ENTREP3: variants seen among roughly 807,000 people sequenced by gnomAD.
ENTREP3 encodes endosomal transmembrane epsin interactor 3.
the ENTREP3 span, chr1:155,253,958 GCACA>G: frequency 6.2e-7 from 1 of 1,613,066 alleles, no homozygotes; most frequent in Non-Finnish European, 8.5e-7. Flanking sequence ...CAGAGGGACA[GCACA>G]CACAGACCTT....
the ENTREP3 span, chr1:155,254,284 G>T: frequency 6.7e-7 from 1 of 1,488,100 alleles, no homozygotes; most frequent in South Asian, 1.1e-5. The surrounding 1 kb of genome is among the most constrained non-coding windows in gnomAD (Gnocchi z 4.4). Flanking sequence ...CAGACACTTC[G>T]TGCCCACCCG....
the ENTREP3 span, chr1:155,252,718 A>T: frequency 4.9e-3 from 210 of 42,564 alleles, 2 homozygotes; most frequent in Non-Finnish European, 5.6e-3. Flanking sequence ...ATATATATAT[A>T]TATATTTTTT....
the ENTREP3 span, chr1:155,251,215 A>C: frequency 2.8e-6 from 4 of 1,417,230 alleles, no homozygotes; most frequent in Non-Finnish European, 3.9e-6. Flanking sequence ...GAACACCCCC[A>C]TGTGCTAGAC....
chr1:155,248,023 A>G, the ENTREP3 span: 2 of 1,613,980 alleles, frequency 1.2e-6, no homozygotes, highest in Non-Finnish European at 1.7e-6. Flanking sequence ...TTTCCCAAAC[A>G]TCTTTCCTGG....
At chr1:155,250,754 C>T in the ENTREP3 span, 5 of 1,612,414 alleles carry the variant, frequency 3.1e-6, no homozygotes, top group African/African-American at 4.0e-5. The surrounding 1 kb of genome is among the most constrained non-coding windows in gnomAD (Gnocchi z 5.4). Flanking sequence ...ACGAGTCCTC[C>T]GACGGGCTAG....
the ENTREP3 span, chr1:155,248,297 C>A: frequency 6.2e-7 from 1 of 1,604,314 alleles, no homozygotes. Flanking sequence ...GGCTTCAGAG[C>A]AGAGCCCTGC....
chr1:155,254,770 C>A, the ENTREP3 span: 1 of 1,613,872 alleles, frequency 6.2e-7, no homozygotes, highest in Non-Finnish European at 8.5e-7. This position sits in a 1 kb window ranked among gnomAD's most constrained non-coding sequence, Gnocchi z 4.4. Flanking sequence ...CCAGCCCCAG[C>A]GTAAGCAGGG....
the ENTREP3 span, chr1:155,248,251 C>G: frequency 6.2e-7 from 1 of 1,602,888 alleles, no homozygotes. Context: ...CACGTAGCAA[C>G]TTGGGGGAAG....
the ENTREP3 span, chr1:155,254,431 A>G: frequency 4.3e-6 from 7 of 1,614,182 alleles, no homozygotes; most frequent in Admixed American, 8.3e-5. This position sits in a 1 kb window ranked among gnomAD's most constrained non-coding sequence, Gnocchi z 4.4. Context: ...CCAGGACACA[A>G]TGCCAACCAC....
At chr1:155,254,812 G>A in the ENTREP3 span, 42 of 1,609,996 alleles carry the variant, frequency 2.6e-5, no homozygotes, top group Non-Finnish European at 3.3e-5. This position sits in a 1 kb window ranked among gnomAD's most constrained non-coding sequence, Gnocchi z 4.4. Flanking sequence ...GGCGGAGGTG[G>A]GTAAGGCCCC....
At chr1:155,251,119 C>G in the ENTREP3 span, 10 of 1,612,640 alleles carry the variant, frequency 6.2e-6, no homozygotes, top group Non-Finnish European at 8.5e-6. Flanking sequence ...GCCACTCGTT[C>G]ACAGATGCAC....
At chr1:155,252,721 TA>T in the ENTREP3 span, 230 of 50,968 alleles carry the variant, frequency 4.5e-3, 7 homozygotes, top group African/African-American at 7.2e-3. Context: ...TATATATATA[TA>T]TTTTTTTTTT....
At chr1:155,250,909 T>C in the ENTREP3 span, 1 of 1,376,646 alleles carries the variant, frequency 7.3e-7, no homozygotes. The surrounding 1 kb of genome is among the most constrained non-coding windows in gnomAD (Gnocchi z 5.4). Context: ...GCCCAGCCTC[T>C]AGGGGCCACT....
chr1:155,253,957 A>C, the ENTREP3 span: 1 of 1,613,082 alleles, frequency 6.2e-7, no homozygotes, highest in Non-Finnish European at 8.5e-7. Context: ...ACAGAGGGAC[A>C]GCACACACAG....
the ENTREP3 span, chr1:155,254,868 A>C: frequency 1.8e-5 from 29 of 1,567,864 alleles, 1 homozygote; most frequent in South Asian, 3.4e-4. The surrounding 1 kb of genome is among the most constrained non-coding windows in gnomAD (Gnocchi z 4.4). Context: ...TCACTAGGCG[A>C]GGGCATCATG....
the ENTREP3 span, chr1:155,251,210 C>A: frequency 7.0e-6 from 10 of 1,435,790 alleles, no homozygotes; most frequent in Non-Finnish European, 9.5e-6. Context: ...ACACTGAACA[C>A]CCCCATGTGC....
chr1:155,249,622 G>A, the ENTREP3 span, among the ~76,000 whole-genome samples: 3 of 151,448 alleles, frequency 2.0e-5, no homozygotes, highest in African/African-American at 7.3e-5. Context: ...ACTCATGCCT[G>A]TAATCCCAGC....
the ENTREP3 span, chr1:155,251,216 T>A: frequency 7.1e-6 from 10 of 1,402,684 alleles, no homozygotes; most frequent in Non-Finnish European, 9.7e-6. Flanking sequence ...AACACCCCCA[T>A]GTGCTAGACA....
the ENTREP3 span, chr1:155,248,460 G>A: frequency 1.2e-6 from 2 of 1,613,718 alleles, no homozygotes; most frequent in East Asian, 4.5e-5. Flanking sequence ...TGGTATAAAG[G>A]TCCCTGAAGT....
Sources: allele counts gnomAD v4.1 joint callset (sites outside exome capture counted in the v4.1 genomes callset), GRCh38; gene constraint gnomAD v4.1.1; non-coding constraint Gnocchi (gnomAD v3.1); transcripts MANE v1.5; gene names NCBI Gene and HGNC (gene_info 2026-07-23, HGNC 2026-07-21).